The following USP35 variants were observed in gnomAD, a reference collection of about 807,000 sequenced individuals.
The protein encoded by USP35 is ubiquitin carboxyl-terminal hydrolase 35.
USP35 carries 69 observed loss-of-function variants against 83.8 expected under a neutral mutation model. The observed-to-expected ratio is 0.82, with a 90% CI of 0.68 to 1.01. The LOEUF (loss-of-function observed/expected upper bound fraction) is 1.01, where lower values mean the gene tolerates loss of function less well. Ranked by LOEUF, USP35 falls within the 50% of genes least tolerant of loss-of-function variation. USP35 has a pLI of 0.00. For synonymous variants in USP35, 714 were observed against 589.5 expected (o/e 1.21, Z -3.06); for missense variants, 1,503 against 1,362.5 (o/e 1.10, Z -1.62).
chr11:78,200,936 C>T, intron 6 of USP35, 128 bp downstream of exon 6: 3 of 1,323,326 alleles, frequency 2.3e-6, no homozygotes, highest in East Asian at 2.5e-5. Context: ...CTCCCATCAC[C>T]TCCCCAGGTC....
chr11:78,227,295 T>TA, the USP35 span, among the ~76,000 whole-genome samples: 1 of 152,208 alleles, frequency 6.6e-6, no homozygotes, highest in Non-Finnish European at 1.5e-5. Context: ...CCTGAACAAG[T>TA]ATCAATAAGC....
chr11:78,200,535 C>T, intron 5 of USP35, 115 bp from the exon 6 acceptor site: 1 of 1,442,304 alleles, frequency 6.9e-7, no homozygotes, highest in East Asian at 2.4e-5. Context: ...GGACAGTGGT[C>T]AGGTGGGCAA....
At chr11:78,200,020 C>T in intron 4 of USP35, 113 bp from the exon 5 acceptor site, 1 of 1,164,834 alleles carries the variant, frequency 8.6e-7, no homozygotes, top group Non-Finnish European at 1.3e-6. Context: ...AGTGTTGATC[C>T]CTCTGCATGG....
At chr11:78,200,378 T>C (rs951900046) in intron 5 of USP35, 144 bp downstream of exon 5, 1 of 1,036,382 alleles carries the variant, frequency 9.6e-7, no homozygotes, top group African/African-American at 1.6e-5. Flanking sequence ...AGCAGCTGGA[T>C]CGTGGGCTCT....
the USP35 span, among the ~76,000 whole-genome samples, chr11:78,227,997 T>C: frequency 6.6e-6 from 1 of 152,170 alleles, no homozygotes; most frequent in African/African-American, 2.4e-5. Flanking sequence ...TAGTACATTT[T>C]TAAATTTAGG....
Position 78,214,692 on chromosome 11 carries a change from A to AAAAG in USP35, c.*880_*883dup, listed in dbSNP as rs1864023848. ...CAGACACCCATGTTCATAAATAAAT[A>AAAAG]AAAGTAAGCCTAAGCAAGAGATTGT... On this transcript the variant is annotated 3_prime_UTR_variant, in exon 11 of 11. Coordinates refer to ENST00000529308, the MANE Select transcript of USP35 (RefSeq NM_020798.4). 1 of 152,038 alleles carries AAAAG rather than the reference A, an allele frequency of 6.6e-6. No individual in the cohort carries two copies. Among genetic ancestry groups the AAAAG allele is most frequent in the Non-Finnish European group, 1.5e-5 (1 of 67,974 alleles). The allele number at this position is 152,038 out of a possible 1,614,324, so 9.4% of individuals were successfully genotyped here.
Position 78,196,763 on chromosome 11 carries a change from G to A in USP35, c.518G>A (p.Gly173Asp). 6.5e-7 allele frequency: 1 copy of A among 1,532,852 alleles called. No homozygotes were observed. Among genetic ancestry groups the A allele is most frequent in the Non-Finnish European group, 8.7e-7 (1 of 1,145,536 alleles). The allele number at this position is 1,532,852 out of a possible 1,614,324, so 95.0% of individuals were successfully genotyped here. ...TGCCAGCAGCTGGTGCGTTGCCTCG[G>A]CCGCTTCCGCTGCCCAGCCGAAGGC... is the stretch of plus-strand genomic sequence containing the variant. The part of the protein sequence containing the change: ...LFCQQLVRCL[G>D]RFRCPAEGEE... The change falls in exon 2 of 11, where the codon GGC becomes GAC. Residue 173 changes from glycine to aspartate, a missense_variant. Gly to Asp is a moderately conservative substitution (Grantham distance 94, BLOSUM62 -1). Coordinates refer to ENST00000529308, the MANE Select transcript of USP35 (RefSeq NM_020798.4). The surrounding 1 kb of genome is among the most constrained non-coding windows in gnomAD (Gnocchi z 4.8).
At chr11:78,200,878 G>A (rs1863333923) in intron 6 of USP35, 70 bp downstream of exon 6, 11 of 1,516,490 alleles carry the variant, frequency 7.3e-6, no homozygotes, top group Non-Finnish European at 7.1e-6. Context: ...CTTCCAGCGG[G>A]CCATACCACA....
chr11:78,233,902 C>T, the USP35 span, among the ~76,000 whole-genome samples: 1 of 152,234 alleles, frequency 6.6e-6, no homozygotes, highest in East Asian at 1.9e-4. Context: ...TGGGCCACCA[C>T]GCCCAGCCCA....
chr11:78,210,775 T>G (rs1863740282), intron 10 of USP35, 31 bp downstream of exon 10: 5 of 1,503,712 alleles, frequency 3.3e-6, no homozygotes, highest in Non-Finnish European at 3.5e-6. Context: ...TTTGATCTGA[T>G]CTCTTGGTGG....
chr11:78,190,491 C>T (rs1399975116), intron 1 of USP35, among the ~76,000 whole-genome samples: 2 of 152,216 alleles, frequency 1.3e-5, no homozygotes, highest in African/African-American at 2.4e-5. Context: ...TTTCTCTCAT[C>T]TTGCTGTCAC....
chr11:78,209,250 A>G (rs891137267), intron 9 of USP35, among the ~76,000 whole-genome samples, 198 bp from the exon 10 acceptor site: 1 of 151,928 alleles, frequency 6.6e-6, no homozygotes, highest in Non-Finnish European at 1.5e-5. Flanking sequence ...GCAAGTCTTT[A>G]TGTAGGGCGT....
chr11:78,213,208 G>A (rs1304905253), intron 10 of USP35, among the ~76,000 whole-genome samples: 3 of 152,204 alleles, frequency 2.0e-5, no homozygotes, highest in East Asian at 1.9e-4. Context: ...GACAGCTTCT[G>A]CCATGCTGTC....
chr11:78,236,576 A>G, the USP35 span, among the ~76,000 whole-genome samples: 1 of 152,206 alleles, frequency 6.6e-6, no homozygotes. Context: ...ATATTTCTCC[A>G]TTAGGTATGA....
At position 78,210,456 on chromosome 11, in the gene USP35, C is replaced by T; in HGVS notation, c.2601C>T (p.Ala867=). 1 of 1,614,218 alleles carries T rather than the reference C, an allele frequency of 6.2e-7. No homozygotes were observed. The highest frequency in any genetic ancestry group is 8.5e-7 in the Non-Finnish European group (1 of 1,180,040). The change falls in exon 10 of 11, where the codon GCC becomes GCT. Residue 867 remains alanine (A), a synonymous_variant. Coordinates refer to ENST00000529308, the MANE Select transcript of USP35 (RefSeq NM_020798.4). ...SSESGHYYCY[A]REGAARPAAS... ...AGAGTGGTCACTACTACTGCTATGC[C>T]CGTGAGGGCGCTGCCCGCCCTGCCG... is the stretch of plus-strand genomic sequence containing the variant.
chr11:78,213,487 G>A (rs971691448), intron 10 of USP35, among the ~76,000 whole-genome samples, 159 bp from the exon 11 acceptor site: 23 of 150,098 alleles, frequency 1.5e-4, no homozygotes, highest in Admixed American at 5.9e-4. Context: ...TCTTTTGAAG[G>A]TGTCCACCCC....
intron 1 of USP35, among the ~76,000 whole-genome samples, chr11:78,189,380 C>A (rs201137989): frequency 6.6e-6 from 1 of 152,210 alleles, no homozygotes; most frequent in Non-Finnish European, 1.5e-5. Flanking sequence ...TGCTCCCTCC[C>A]CTTTCAGGTA....
intron 10 of USP35, among the ~76,000 whole-genome samples, chr11:78,211,310 T>A (rs1255897578): frequency 6.6e-6 from 1 of 152,242 alleles, no homozygotes; most frequent in Non-Finnish European, 1.5e-5. Context: ...TGCATAGTAT[T>A]CTGTGGTGTA....
chr11:78,213,681 C>CATCTCTGCA lies in USP35; in HGVS notation c.2926_2934dup (p.Ile976_Ala978dup). On this transcript the variant is annotated inframe_insertion, in exon 11 of 11. Coordinates refer to ENST00000529308, the MANE Select transcript of USP35 (RefSeq NM_020798.4). ...AGGAGGCCCGGAGCAGGGCGGCCTA[C>CATCTCTGCA]ATCTCTGCACTCCCCACATCTCCGC... 1 of 1,512,380 alleles carries CATCTCTGCA rather than the reference C, an allele frequency of 6.6e-7. No homozygotes were observed. The highest frequency in any genetic ancestry group is 1.7e-4 in the Middle Eastern group (1 of 5,780). The allele number at this position is 1,512,380 out of a possible 1,614,324, so 93.7% of individuals were successfully genotyped here.
Sources: allele counts gnomAD v4.1 joint callset (sites outside exome capture counted in the v4.1 genomes callset), GRCh38; gene constraint gnomAD v4.1.1; non-coding constraint Gnocchi (gnomAD v3.1); transcripts MANE v1.5; gene names NCBI Gene and HGNC (gene_info 2026-07-23, HGNC 2026-07-21).